The following ARHGAP10 variants were observed in gnomAD, a reference collection of about 807,000 sequenced individuals.
The protein encoded by ARHGAP10 is rho GTPase-activating protein 10.
In ARHGAP10, 87 loss-of-function variants were observed where a neutral mutation model predicts 108.6. The observed-to-expected ratio is 0.80, with a 90% CI of 0.67 to 0.96. ARHGAP10 has a LOEUF of 0.96. ARHGAP10 is among the 40% of genes least tolerant of loss of function. The pLI is 0.00. For synonymous variants in ARHGAP10, 347 were observed against 341.1 expected (o/e 1.02, Z -0.19); for missense variants, 939 against 954.5 (o/e 0.98, Z 0.21).
intron 4 of ARHGAP10, among the ~76,000 whole-genome samples, chr4:147,852,202 G>A (rs1276921628): frequency 1.3e-5 from 2 of 152,194 alleles, no homozygotes; most frequent in Non-Finnish European, 2.9e-5. Context: ...GGGGTGACAA[G>A]CCATAGCATG....
chr4:148,030,901 A>G (rs1285696455), intron 19 of ARHGAP10, among the ~76,000 whole-genome samples: 1 of 152,138 alleles, frequency 6.6e-6, no homozygotes, highest in Non-Finnish European at 1.5e-5. Flanking sequence ...GCCTATTAAA[A>G]TGAAATTTGG....
intron 19 of ARHGAP10, among the ~76,000 whole-genome samples, chr4:148,030,974 A>T (rs1190066436): frequency 1.3e-5 from 2 of 152,162 alleles, no homozygotes; most frequent in Admixed American, 6.5e-5. Flanking sequence ...TGGGAGGATC[A>T]GCTGGGCCTG....
At chr4:147,996,372 A>G (rs1020629183) in intron 18 of ARHGAP10, among the ~76,000 whole-genome samples, 9 of 152,150 alleles carry the variant, frequency 5.9e-5, no homozygotes, top group Non-Finnish European at 8.8e-5. Flanking sequence ...ATAGAGGGGG[A>G]TGTTTTGTTT....
At position 147,906,740 on chromosome 4, in the gene ARHGAP10, A is replaced by G. The variant is rs483352831; in HGVS notation, c.1116+21A>G. The G allele has an allele frequency of 3.1e-6, 5 of 1,613,240 alleles. No homozygotes were observed. The East Asian group carries it at 8.9e-5, about 29-fold the overall frequency. ...AAGCTGTAAGAATAATCAATGGTTG[A>G]GTTTTATTTCAAAGCCTTTAGAGTT... On this transcript the variant is annotated intron_variant, in intron 11 of 22. Coordinates refer to ENST00000336498, the MANE Select transcript of ARHGAP10 (RefSeq NM_024605.4).
At chr4:147,783,019 GTTAAATTATATATATAAATTATATACT>G (rs1730613536) in intron 1 of ARHGAP10, among the ~76,000 whole-genome samples, 3 of 129,498 alleles carry the variant, frequency 2.3e-5, no homozygotes, top group Non-Finnish European at 4.9e-5. Context: ...TATACTATAT[GTTAAATTATATATATAAATTATATACT>G]ATATGTTAAA....
intron 1 of ARHGAP10, among the ~76,000 whole-genome samples, chr4:147,789,729 G>A (rs1337944365): frequency 6.6e-6 from 1 of 152,214 alleles, no homozygotes; most frequent in Non-Finnish European, 1.5e-5. Flanking sequence ...ACACAGCTAG[G>A]TGGTATCAGA....
chr4:147,935,702 T>TA (rs1377122989), intron 13 of ARHGAP10, among the ~76,000 whole-genome samples: 1 of 152,230 alleles, frequency 6.6e-6, no homozygotes, highest in Non-Finnish European at 1.5e-5. Flanking sequence ...TGTTCATAGA[T>TA]AAAAAGTATG....
intron 18 of ARHGAP10, among the ~76,000 whole-genome samples, chr4:148,008,829 G>A (rs1741055323): frequency 6.6e-6 from 1 of 152,072 alleles, no homozygotes; most frequent in African/African-American, 2.4e-5. Flanking sequence ...TTTTCCAGAG[G>A]CGATGATATT....
chr4:148,023,358 C>T lies in ARHGAP10; in HGVS notation c.1812C>T (p.Gly604=). ...NAPPRQSKRQ[G]QRTKRPVAVY... is the part of the protein sequence containing the mutation. ...CACCAAGGCAGTCGAAGAGACAAGG[C>T]CAGAGAACCAAGAGGCCCGTGGCCG... Residue 604 remains glycine (G), a synonymous_variant, in exon 19 of 23, where the codon GGC becomes GGT. Transcript: ENST00000336498. 6.2e-7 allele frequency: 1 copy of T among 1,614,172 alleles called. No individual in the cohort carries two copies. The highest frequency in any genetic ancestry group is 8.5e-7 in the Non-Finnish European group (1 of 1,180,018).
Position 148,053,817 on chromosome 4 carries a change from T to A in ARHGAP10, c.2027+6766T>A, listed in dbSNP as rs565442476. On this transcript the variant is annotated intron_variant, in intron 20 of 22. Coordinates refer to ENST00000336498, the MANE Select transcript of ARHGAP10 (RefSeq NM_024605.4). ...GTGGCTTGCTGGGGTATTTTTGGTATCTGCGTTGTGTACTTGGCACTTGCG... is the reference window on the plus strand; with the variant it reads ...GTGGCTTGCTGGGGTATTTTTGGTAACTGCGTTGTGTACTTGGCACTTGCG... Among the ~76,000 whole-genome samples, 7 of 152,324 alleles carry A rather than the reference T, an allele frequency of 4.6e-5. No individual in the cohort carries two copies. In the South Asian group the frequency reaches 1.4e-3, roughly 32 times the overall value.
At chr4:147,918,324 A>G (rs1737078229) in intron 13 of ARHGAP10, among the ~76,000 whole-genome samples, 1 of 151,870 alleles carries the variant, frequency 6.6e-6, no homozygotes, top group South Asian at 2.1e-4. Flanking sequence ...TTTAGTAGAG[A>G]CAGGGTTTCA....
chr4:147,785,106 ACAT>A (rs1730832698), intron 1 of ARHGAP10, among the ~76,000 whole-genome samples: 1 of 147,740 alleles, frequency 6.8e-6, no homozygotes, highest in Admixed American at 6.9e-5. Context: ...AAAAAGAATA[ACAT>A]CTAAGCTAAA....
At chr4:147,792,577 C>T (rs1731161839) in intron 1 of ARHGAP10, among the ~76,000 whole-genome samples, 1 of 152,124 alleles carries the variant, frequency 6.6e-6, no homozygotes, top group South Asian at 2.1e-4. Context: ...GTCTCTCGGC[C>T]TCTTCCCTCT....
chr4:147,940,181 T>C (rs957670194), intron 14 of ARHGAP10, among the ~76,000 whole-genome samples: 2 of 152,238 alleles, frequency 1.3e-5, no homozygotes, highest in African/African-American at 4.8e-5. Flanking sequence ...CAGTCAGGCC[T>C]CTATGATTTG....
chr4:148,071,980 TCTTC>T lies in ARHGAP10; in HGVS notation c.2273-9_2273-6del, dbSNP rs779752749. 2.7e-5 allele frequency: 44 copies of T among 1,609,758 alleles called. No homozygotes were observed. The highest frequency in any genetic ancestry group is 3.6e-5 in the Non-Finnish European group (42 of 1,178,184). On this transcript the variant is annotated splice_polypyrimidine_tract_variant and intron_variant, in intron 22 of 22. Coordinates refer to ENST00000336498, the MANE Select transcript of ARHGAP10 (RefSeq NM_024605.4). ...GGGCATTTTGTAAAAGTGATTTTTC[TCTTC>T]CTTTTCAGTACAAACCTCCAGGGAA...
At chr4:147,947,863 C>G (rs1417544202) in intron 15 of ARHGAP10, among the ~76,000 whole-genome samples, 1 of 151,740 alleles carries the variant, frequency 6.6e-6, no homozygotes, top group East Asian at 1.9e-4. Context: ...GTGTAATGAA[C>G]CCTCATGGCT....
chr4:147,854,808 C>G, intron 4 of ARHGAP10: 1 of 985,306 alleles, frequency 1.0e-6, no homozygotes, highest in Non-Finnish European at 1.2e-6. Flanking sequence ...AATACCATAC[C>G]ATATATGGAC....
chr4:147,865,623 A>G (rs1734524511), intron 6 of ARHGAP10: 1 of 152,226 alleles, frequency 6.6e-6, no homozygotes, highest in Non-Finnish European at 1.5e-5. Flanking sequence ...TTTAATTTTA[A>G]TATCGACTTA....
intron 1 of ARHGAP10, among the ~76,000 whole-genome samples, chr4:147,797,292 C>G (rs947672720): frequency 2.4e-4 from 37 of 152,106 alleles, no homozygotes; most frequent in African/African-American, 8.5e-4. Flanking sequence ...AACCTCTTAG[C>G]CAGGTCTTTA....
Sources: gnomAD v4.1 joint callset for allele counts (sites outside exome capture counted in the v4.1 genomes callset) on GRCh38, gnomAD v4.1.1 for gene constraint, MANE v1.5 for transcripts, NCBI Gene and HGNC (gene_info 2026-07-23, HGNC 2026-07-21) for gene names.